GPC4: variants seen among roughly 807,000 people sequenced by gnomAD.
The protein encoded by GPC4 is glypican-4.
Under a neutral mutation model 35.0 loss-of-function variants are expected in GPC4, and 10 were observed. The ratio of observed to expected loss-of-function variants is 0.29; its 90% CI spans 0.18 to 0.48. GPC4 has a LOEUF of 0.48. Ranked by LOEUF, GPC4 falls within the 20% of genes least tolerant of loss-of-function variation. GPC4 has a pLI of 0.99. For missense variants in GPC4, 322 were observed against 451.3 expected (o/e 0.71, Z 2.60); for synonymous variants, 167 against 170.2 (o/e 0.98, Z 0.15).
chrX:133,393,981 CAT>C (rs1467687336), intron 1 of GPC4, among the ~76,000 whole-genome samples: 1 of 111,471 alleles, frequency 9.0e-6, no homozygotes, highest in Non-Finnish European at 1.9e-5. Context: ...CATATAAAAA[CAT>C]ATGCACACCG....
chrX:133,346,473 C>T (rs915062800), intron 1 of GPC4, among the ~76,000 whole-genome samples: 5 of 110,954 alleles, frequency 4.5e-5, no homozygotes, highest in Non-Finnish European at 9.4e-5. Flanking sequence ...AAGCCATCAA[C>T]CAAGGGATTC....
At chrX:133,315,201 G>A (rs771335469) in intron 3 of GPC4, among the ~76,000 whole-genome samples, 1 of 108,844 alleles carries the variant, frequency 9.2e-6, no homozygotes, top group Non-Finnish European at 1.9e-5. Context: ...ATGCTCCAGT[G>A]AGCATTTCTT....
At chrX:133,394,142 G>A (rs1340381534) in intron 1 of GPC4, among the ~76,000 whole-genome samples, 2 of 109,958 alleles carry the variant, frequency 1.8e-5, no homozygotes, top group African/African-American at 6.6e-5. Context: ...ATGGTAGCGG[G>A]TGCCTTTAAT....
intron 2 of GPC4, among the ~76,000 whole-genome samples, chrX:133,326,288 T>C (rs1348194703): frequency 9.0e-6 from 1 of 111,539 alleles, no homozygotes; most frequent in Non-Finnish European, 1.9e-5. Context: ...ATCAGCTACC[T>C]GGGATGGCCT....
At chrX:133,317,188 T>G (rs188801459) in intron 3 of GPC4, among the ~76,000 whole-genome samples, 243 of 111,240 alleles carry the variant, frequency 2.2e-3, no homozygotes, top group Non-Finnish European at 3.4e-3. Flanking sequence ...AATGATAAGG[T>G]AACTGTAGGA....
At chrX:133,414,164 G>A (rs1201273698) in intron 1 of GPC4, among the ~76,000 whole-genome samples, 1 of 110,996 alleles carries the variant, frequency 9.0e-6, no homozygotes, top group Non-Finnish European at 1.9e-5. Context: ...GTGGAGAGTG[G>A]GGGTAGTCGT....
At chrX:133,349,711 C>T (rs1254258219) in intron 1 of GPC4, among the ~76,000 whole-genome samples, 1 of 111,997 alleles carries the variant, frequency 8.9e-6, no homozygotes, top group Non-Finnish European at 1.9e-5. Context: ...GTCTCGACCT[C>T]CTGGGCTCAA....
intron 2 of GPC4, among the ~76,000 whole-genome samples, chrX:133,337,078 CA>C (rs1293848094): frequency 8.9e-6 from 1 of 111,862 alleles, no homozygotes; most frequent in Non-Finnish European, 1.9e-5. Context: ...CGTGGCCTCC[CA>C]AAGTGCTGGG....
intron 1 of GPC4, among the ~76,000 whole-genome samples, chrX:133,404,546 CAA>C (rs766777711): frequency 1.1e-4 from 4 of 37,359 alleles, no homozygotes; most frequent in African/African-American, 1.7e-4. Context: ...GACTCTGCCT[CAA>C]AAAAAAAAAA....
At chrX:133,369,926 AG>A (rs1457289192) in intron 1 of GPC4, among the ~76,000 whole-genome samples, 1 of 111,486 alleles carries the variant, frequency 9.0e-6, no homozygotes, top group African/African-American at 3.3e-5. Context: ...ATAAAAAAAA[AG>A]GTTAAATCAC....
intron 1 of GPC4, among the ~76,000 whole-genome samples, chrX:133,340,615 G>A (rs2068462497): frequency 8.9e-6 from 1 of 112,017 alleles, no homozygotes; most frequent in South Asian, 3.7e-4. Context: ...TCCATGAGCT[G>A]GCCATTGCTG....
Position 133,324,974 on chromosome X carries a change from A to G in GPC4, c.320-438T>C, listed in dbSNP as rs181986729. Among the ~76,000 whole-genome samples the G allele has an allele frequency of 5.4e-5, 6 of 111,874 alleles. No homozygotes were observed. In the East Asian group the frequency reaches 1.7e-3, roughly 31 times the overall value. On this transcript the variant is annotated intron_variant, in intron 2 of 8. Transcript: ENST00000370828. ...CCATGCCTTCTAATTGTAACCTAAG[A>G]GCAGGACAGGTGTTTTCAAAAGTCG...
chrX:133,326,179 C>T (rs1465537944), intron 2 of GPC4, among the ~76,000 whole-genome samples: 1 of 111,394 alleles, frequency 9.0e-6, no homozygotes, highest in African/African-American at 3.3e-5. Context: ...ATCCCCATTA[C>T]AAGTGTGCAG....
intron 1 of GPC4, among the ~76,000 whole-genome samples, chrX:133,413,664 G>C (rs1455896626): frequency 9.2e-6 from 1 of 109,059 alleles, no homozygotes; most frequent in Admixed American, 9.8e-5. Context: ...TCACTCCTCC[G>C]TTAGATTACG....
chrX:133,304,417 A>T (rs2068281897), intron 7 of GPC4, among the ~76,000 whole-genome samples: 1 of 112,250 alleles, frequency 8.9e-6, no homozygotes, highest in African/African-American at 3.2e-5. Flanking sequence ...TTATGAGGCT[A>T]GGCCATTGGA....
chrX:133,345,040 G>C (rs1408435332), intron 1 of GPC4, among the ~76,000 whole-genome samples: 1 of 112,438 alleles, frequency 8.9e-6, no homozygotes, highest in Admixed American at 9.4e-5. Flanking sequence ...GAGTTATGAA[G>C]AAAACTTAGC....
chrX:133,400,229 A>G (rs1270542212), intron 1 of GPC4, among the ~76,000 whole-genome samples: 1 of 111,928 alleles, frequency 8.9e-6, no homozygotes, highest in African/African-American at 3.3e-5. Context: ...GTGCTCTAGG[A>G]CTCATCTCAG....
At chrX:133,408,686 C>T (rs965108440) in intron 1 of GPC4, among the ~76,000 whole-genome samples, 2 of 110,550 alleles carry the variant, frequency 1.8e-5, no homozygotes, top group South Asian at 3.9e-4. Context: ...GAGCTGAGAT[C>T]GTGCCATTGC....
chrX:133,405,769 AC>A (rs1326223814), intron 1 of GPC4, among the ~76,000 whole-genome samples: 1 of 112,280 alleles, frequency 8.9e-6, no homozygotes, highest in Non-Finnish European at 1.9e-5. Flanking sequence ...TCACGTATAA[AC>A]CCTATCTACC....
Sources: gnomAD v4.1 joint callset for allele counts (sites outside exome capture counted in the v4.1 genomes callset) on GRCh38, gnomAD v4.1.1 for gene constraint, MANE v1.5 for transcripts, NCBI Gene and HGNC (gene_info 2026-07-23, HGNC 2026-07-21) for gene names.